DBN1: variants seen among roughly 807,000 people sequenced by gnomAD.
The protein encoded by DBN1 is drebrin 1.
Under a neutral mutation model 83.5 loss-of-function variants are expected in DBN1, and 21 were observed. That is an observed-to-expected ratio of 0.25 (90% confidence interval 0.18 to 0.36). The LOEUF is 0.36. DBN1 is among the 10% of genes least tolerant of loss of function. The pLI, the probability that DBN1 is intolerant of heterozygous loss-of-function variation, is 1.00. For synonymous variants in DBN1, 381 were observed against 384.9 expected (o/e 0.99, Z 0.12); for missense variants, 874 against 935.7 (o/e 0.93, Z 0.86).
Position 177,464,959 on chromosome 5 carries a change from C to T in DBN1, c.771+1813G>A, listed in dbSNP as rs955404871. Among the ~76,000 whole-genome samples, 8 of 152,070 alleles carry T rather than the reference C, an allele frequency of 5.3e-5. No homozygotes were observed. The South Asian group carries it at 1.0e-3, about 20-fold the overall frequency. ...CATGAGGTCAGGAGATCGAGACCAC[C>T]CTGGCTAACATGGTGAAACCCCGTC... On this transcript the variant is annotated intron_variant, in intron 8 of 14. Coordinates refer to ENST00000393565, the MANE Select transcript of DBN1 (RefSeq NM_001363541.2).
rs1344823392 is a variant in DBN1, at chr5:177,458,601, G to A, written c.1371C>T (p.Pro457=). The change falls in exon 13 of 15, where the codon CCC becomes CCT. Residue 457 remains proline (P), a synonymous_variant. Transcript: ENST00000393565. ...MEEPPQAQAP[P]RGPGSPAEDL... ...CCTCTGCAGGGCTGCCTGGCCCCCG[G>A]GGAGGCGCCTGTGCCTGAGGGGGCT... is the stretch of plus-strand genomic sequence containing the variant. 1.1e-5 allele frequency: 18 copies of A among 1,612,816 alleles called. No individual in the cohort carries two copies. Among genetic ancestry groups the A allele is most frequent in the Non-Finnish European group, 1.4e-5 (17 of 1,179,298 alleles).
rs775991179 is a variant in DBN1 at position 177,466,851 on chromosome 5, G to C, written c.708-16C>G. The C allele has an allele frequency of 6.2e-7, 1 of 1,614,042 alleles. No homozygotes were observed. Among genetic ancestry groups the C allele is most frequent in the South Asian group, 1.1e-5 (1 of 91,082 alleles). Reference sequence around the variant, plus strand: ...CTGTTTCCTCCTGGAACGATAAGCAGCCAGCACCCGTCAGGGTGCGCCCGG... The same window carrying C: ...CTGTTTCCTCCTGGAACGATAAGCACCCAGCACCCGTCAGGGTGCGCCCGG... On this transcript the variant is annotated splice_polypyrimidine_tract_variant and intron_variant, in intron 7 of 14. Coordinates refer to ENST00000393565, the MANE Select transcript of DBN1 (RefSeq NM_001363541.2). The surrounding 1 kb of genome is among the most constrained non-coding windows in gnomAD (Gnocchi z 4.8).
At position 177,467,909 on chromosome 5, in the gene DBN1, G is replaced by A. The variant is rs1757568329; in HGVS notation, c.256-92C>T. 2.7e-6 allele frequency: 4 copies of A among 1,487,904 alleles called. No homozygotes were observed. The highest frequency in any genetic ancestry group is 3.7e-6 in the Non-Finnish European group (4 of 1,073,522). The allele number at this position is 1,487,904 out of a possible 1,614,324, so 92.2% of individuals were successfully genotyped here. A position where few individuals can be genotyped will look rare whatever the true frequency, so the allele number is the denominator to read the frequency against. The stretch of plus-strand genomic sequence containing the variant: ...CTTCCCCGGGGTGGGAAGAGGGTGG[G>A]CTTCCCTCTCCACGGGTGTCAGAGG... On this transcript the variant is annotated intron_variant, in intron 3 of 14. Transcript: ENST00000393565. The surrounding 1 kb of genome is among the most constrained non-coding windows in gnomAD (Gnocchi z 9.1).
intron 8 of DBN1, 48 bp from the exon 9 acceptor site, chr5:177,460,751 C>A: frequency 6.3e-7 from 1 of 1,581,236 alleles, no homozygotes. Flanking sequence ...CCCACAGGGG[C>A]TTTTGGCCTT....
At position 177,458,080 on chromosome 5, in the gene DBN1, G is replaced by A; in HGVS notation, c.1892C>T (p.Thr631Ile). ...CACCTGGGTCCCCTCCTTCTGGGTGGTCTCGCCATTGGTTAGCAGGTGGGG... is the reference window on the plus strand; with the variant it reads ...CACCTGGGTCCCCTCCTTCTGGGTGATCTCGCCATTGGTTAGCAGGTGGGG... ...PEPHLLTNGE[T>I]TQKEGTQASE... The change falls in exon 13 of 15, where the codon ACC becomes ATC. Residue 631 changes from threonine (T) to isoleucine (I), a missense_variant. This residue lies in a region of DBN1 where 725 missense variants were observed against 719.7 expected (regional missense o/e 1.01). Coordinates refer to ENST00000393565, the MANE Select transcript of DBN1 (RefSeq NM_001363541.2). 6.2e-7 allele frequency: 1 copy of A among 1,613,776 alleles called. No individual in the cohort carries two copies. The highest frequency in any genetic ancestry group is 2.2e-5 in the East Asian group (1 of 44,878).
At chr5:177,459,803 C>A (rs1581717998) in intron 10 of DBN1, 63 bp from the exon 11 acceptor site, 46 of 1,399,966 alleles carry the variant, frequency 3.3e-5, no homozygotes, top group Non-Finnish European at 4.3e-5. Flanking sequence ...TCCCCCACCC[C>A]TGCCCGAGGC....
intron 8 of DBN1, among the ~76,000 whole-genome samples, chr5:177,462,762 G>A (rs1444838128): frequency 6.6e-6 from 1 of 152,206 alleles, no homozygotes; most frequent in Admixed American, 6.5e-5. Context: ...AGCACTGGGA[G>A]AAGGGCCCTT....
At chr5:177,468,812 G>A in intron 2 of DBN1, 32 bp downstream of exon 2, 1 of 1,314,396 alleles carries the variant, frequency 7.6e-7, no homozygotes. Flanking sequence ...AGGGGGTGGA[G>A]AAGGCGGCGA....
chr5:177,457,762 A>AG lies in DBN1; in HGVS notation c.1915-6dup. On this transcript the variant is annotated splice_polypyrimidine_tract_variant and splice_region_variant and intron_variant, in intron 13 of 14. Transcript: ENST00000393565. Reference sequence around the variant, plus strand: ...ACTGAAGTACCCCTCACTGGCCTGCAGGGGAAAGCATCAGGTCACTTGGCC... The same window carrying AG: ...ACTGAAGTACCCCTCACTGGCCTGCAGGGGGAAAGCATCAGGTCACTTGGCC... 1.3e-6 allele frequency: 2 copies of AG among 1,590,234 alleles called. No homozygotes were observed. The highest frequency in any genetic ancestry group is 1.7e-6 in the Non-Finnish European group (2 of 1,159,414).
chr5:177,466,689 T>C lies in DBN1; in HGVS notation c.771+83A>G. The C allele has an allele frequency of 6.7e-7, 1 of 1,503,636 alleles. No individual in the cohort carries two copies. Among genetic ancestry groups the C allele is most frequent in the Non-Finnish European group, 9.3e-7 (1 of 1,079,492 alleles). The allele number at this position is 1,503,636 out of a possible 1,614,324, so 93.1% of individuals were successfully genotyped here. ...ACAGCCACCACTGTCCCTGAGCCAC[T>C]GATCTCCCCACAAGGCCCAGGAACA... On this transcript the variant is annotated intron_variant, in intron 8 of 14. Coordinates refer to ENST00000393565, the MANE Select transcript of DBN1 (RefSeq NM_001363541.2). The surrounding 1 kb of genome is among the most constrained non-coding windows in gnomAD (Gnocchi z 4.8).
chr5:177,463,084 T>A (rs1757161828), intron 8 of DBN1, among the ~76,000 whole-genome samples: 2 of 152,206 alleles, frequency 1.3e-5, no homozygotes, highest in East Asian at 3.9e-4. Context: ...TCACTCAGGC[T>A]GGAGTGCAGT....
intron 8 of DBN1, among the ~76,000 whole-genome samples, chr5:177,465,540 C>T (rs1286401262): frequency 1.3e-5 from 2 of 152,168 alleles, no homozygotes; most frequent in Non-Finnish European, 2.9e-5. Context: ...TGAAATGGTA[C>T]ATTTTATGTA....
At chr5:177,468,823 G>T (rs1317620010) in intron 2 of DBN1, 21 bp downstream of exon 2, 1 of 1,321,456 alleles carries the variant, frequency 7.6e-7, no homozygotes, top group Non-Finnish European at 9.7e-7. Flanking sequence ...AAGGCGGCGA[G>T]GGAATGGCTG....
intron 10 of DBN1, among the ~76,000 whole-genome samples, chr5:177,460,206 G>C (rs1446394627): frequency 1.3e-5 from 2 of 152,214 alleles, no homozygotes; most frequent in Non-Finnish European, 2.9e-5. Flanking sequence ...CTGCCCCACA[G>C]GCCCTAGCAC....
chr5:177,472,032 C>G (rs1049973302), intron 1 of DBN1: 5 of 1,461,566 alleles, frequency 3.4e-6, no homozygotes, highest in Non-Finnish European at 4.6e-6. Flanking sequence ...GAGCTCCTCC[C>G]ATGATCTCAG....
At chr5:177,468,019 CCT>C in intron 3 of DBN1, 87 bp downstream of exon 3, 23 of 699,950 alleles carry the variant, frequency 3.3e-5, no homozygotes, top group Non-Finnish European at 5.3e-5. Flanking sequence ...AGCTCTGGGC[CCT>C]CAGCCCCCTT....
At chr5:177,471,780 G>A (rs1335763540) in intron 1 of DBN1, among the ~76,000 whole-genome samples, 2 of 152,322 alleles carry the variant, frequency 1.3e-5, no homozygotes, top group Admixed American at 6.5e-5. Flanking sequence ...TTGGCCACAC[G>A]GATGCTGCTG....
At position 177,460,437 on chromosome 5, in the gene DBN1, C is replaced by G. The variant is rs34301370; in HGVS notation, c.950G>C (p.Arg317Pro). 2.4e-3 allele frequency: 3,807 copies of G among 1,613,746 alleles called. 2 individuals carry two copies. Among genetic ancestry groups the G allele is most frequent in the Non-Finnish European group, 2.9e-3 (3,465 of 1,179,930 alleles). The change falls in exon 10 of 15, where the codon CGA (arginine) becomes CCA (proline). Residue 317 changes from arginine to proline, a missense_variant. Physicochemically the swap from Arg to Pro is moderately radical, Grantham distance 103. Transcript: ENST00000393565. ...SCDVPSPFNH[R>P]PGRPYCPFIK... ...GGGGTGGGGCCTAGGACTACCTGGTCGATGGTTGAAGGGCGAGGGTACATC... is the reference window on the plus strand; with the variant it reads ...GGGGTGGGGCCTAGGACTACCTGGTGGATGGTTGAAGGGCGAGGGTACATC...
intron 3 of DBN1, 88 bp downstream of exon 3, chr5:177,468,020 C>T (rs867244064): frequency 7.9e-5 from 34 of 431,770 alleles, no homozygotes; most frequent in Non-Finnish European, 7.5e-5. Flanking sequence ...GCTCTGGGCC[C>T]TCAGCCCCCT....
Sources: allele counts gnomAD v4.1 joint callset (sites outside exome capture counted in the v4.1 genomes callset), GRCh38; gene constraint gnomAD v4.1.1; regional missense constraint gnomAD v4.1.1; non-coding constraint Gnocchi (gnomAD v3.1); transcripts MANE v1.5; gene names NCBI Gene and HGNC (gene_info 2026-07-23, HGNC 2026-07-21).